Variants in ADCY3 observed in about 807,000 individuals in gnomAD.
The protein encoded by ADCY3 is adenylate cyclase 3.
ADCY3 carries 70 observed loss-of-function variants against 119.4 expected under a neutral mutation model. That is an observed-to-expected ratio of 0.59 (90% CI 0.48 to 0.72). The LOEUF (loss-of-function observed/expected upper bound fraction) is 0.72. Ranked by LOEUF, ADCY3 falls within the 30% of genes least tolerant of loss-of-function variation. The pLI, the probability that ADCY3 is intolerant of heterozygous loss-of-function variation, is 0.00. For synonymous variants in ADCY3, 672 were observed against 621.4 expected, an observed-to-expected ratio of 1.08 and a Z score of -1.21; for missense variants, 1,238 against 1,541.6, an observed-to-expected ratio of 0.80 and a Z score of 3.30.
intron 2 of ADCY3, among the ~76,000 whole-genome samples, chr2:24,891,900 T>C (rs1395830765): frequency 6.6e-6 from 1 of 152,216 alleles, no homozygotes; most frequent in East Asian, 1.9e-4. Context: ...GATACGTATA[T>C]ATAGGAAAAA....
chr2:24,904,970 A>G (rs1365308012), intron 2 of ADCY3, among the ~76,000 whole-genome samples: 1 of 151,908 alleles, frequency 6.6e-6, no homozygotes, highest in Non-Finnish European at 1.5e-5. Context: ...CCTATGCGCC[A>G]TTCCTCTATT....
intron 3 of ADCY3, among the ~76,000 whole-genome samples, chr2:24,871,672 T>C (rs138861268): frequency 6.6e-6 from 1 of 152,362 alleles, no homozygotes; most frequent in African/African-American, 2.4e-5. Flanking sequence ...CAGAACCTCC[T>C]GAACACAGAT....
In ADCY3 at chr2:24,841,694, G is replaced by T; in HGVS notation, c.957-27C>A. ...TGCATGAGGAAGGAACCGTGGGGGT[G>T]ACGCTCCAGGCAGCCAGGTGTACCC... On this transcript the variant is annotated intron_variant, in intron 4 of 21. Coordinates refer to ENST00000679454, the MANE Select transcript of ADCY3 (RefSeq NM_004036.5). This position sits in a 1 kb window ranked among gnomAD's most constrained non-coding sequence, Gnocchi z 5.8. The T allele has an allele frequency of 6.3e-7, 1 of 1,582,822 alleles. No individual in the cohort carries two copies. The highest frequency in any genetic ancestry group is 8.7e-7 in the Non-Finnish European group (1 of 1,154,090).
rs771093214 is a variant in ADCY3 at position 24,831,679 on chromosome 2, C to A, written c.2038G>T (p.Ala680Ser). ...CCTCTTACCCGGGGAAAGATGGCAG[C>A]CAGGGAGCAGATGGTCAGGATGAGG... is the stretch of plus-strand genomic sequence containing the variant. ...LLLILTICSL[A>S]AIFPRAFPKK... Residue 680 changes from alanine to serine, a missense_variant, in exon 12 of 22, where the codon GCT (alanine) becomes TCT (serine). Transcript: ENST00000679454. 11 of 1,613,964 alleles carry A rather than the reference C, an allele frequency of 6.8e-6. No homozygotes were observed. Among genetic ancestry groups the A allele is most frequent in the Non-Finnish European group, 9.3e-6 (11 of 1,179,928 alleles).
chr2:24,819,863 C>A lies in ADCY3; in HGVS notation c.*69G>T, dbSNP rs910165112. 4 of 1,513,558 alleles carry A rather than the reference C, an allele frequency of 2.6e-6. No individual in the cohort carries two copies. The highest frequency in any genetic ancestry group is 3.6e-6 in the Non-Finnish European group (4 of 1,111,076). The allele number at this position is 1,513,558 out of a possible 1,614,324, so 93.8% of individuals were successfully genotyped here. ...AGTGTGCACTTCAATCCAGGAAGGT[C>A]GGGACTTCCTTCAGTTTCAAAAAAT... On this transcript the variant is annotated 3_prime_UTR_variant, in exon 22 of 22. Transcript: ENST00000679454.
chr2:24,855,670 C>T (rs1672909324), intron 3 of ADCY3, among the ~76,000 whole-genome samples: 1 of 152,204 alleles, frequency 6.6e-6, no homozygotes, highest in African/African-American at 2.4e-5. Flanking sequence ...ACAACAAGCC[C>T]TGGAAGTTCC....
chr2:24,858,796 A>G (rs1234048130), intron 3 of ADCY3, among the ~76,000 whole-genome samples: 2 of 152,236 alleles, frequency 1.3e-5, no homozygotes, highest in Non-Finnish European at 2.9e-5. Context: ...CAGCCCATGC[A>G]TGGGCCGTCA....
intron 21 of ADCY3, chr2:24,820,336 A>G (rs1667407626): frequency 4.5e-6 from 6 of 1,324,210 alleles, no homozygotes; most frequent in Non-Finnish European, 4.8e-6. Flanking sequence ...TCATCCAGAG[A>G]CTTCTCTCCT....
At chr2:24,870,474 C>T (rs1167366603) in intron 3 of ADCY3, among the ~76,000 whole-genome samples, 1 of 152,158 alleles carries the variant, frequency 6.6e-6, no homozygotes, top group Non-Finnish European at 1.5e-5. Context: ...GAATTCTAGG[C>T]TCCGGCTGTG....
chr2:24,891,731 A>G (rs1192783859), intron 2 of ADCY3, among the ~76,000 whole-genome samples: 2 of 152,234 alleles, frequency 1.3e-5, no homozygotes, highest in African/African-American at 4.8e-5. Context: ...AGTAACAGCT[A>G]CAGTGCATAG....
intron 2 of ADCY3, among the ~76,000 whole-genome samples, chr2:24,891,194 G>A (rs1677616323): frequency 6.6e-6 from 1 of 152,092 alleles, no homozygotes; most frequent in Non-Finnish European, 1.5e-5. Context: ...TATTAATACA[G>A]TAGTCTCCCT....
intron 2 of ADCY3, among the ~76,000 whole-genome samples, chr2:24,889,068 T>A (rs1428837168): frequency 6.6e-6 from 1 of 152,224 alleles, no homozygotes; most frequent in Non-Finnish European, 1.5e-5. Context: ...CATTTATTGA[T>A]ACACGCACCT....
Position 24,819,796 on chromosome 2 carries a change from A to C in ADCY3, c.*136T>G. Reference sequence around the variant, plus strand: ...CACCCTCAGAGCTCACACATCCACGAACAAATGAAGGCTGAGGAGGTTTCT... The same window carrying C: ...CACCCTCAGAGCTCACACATCCACGCACAAATGAAGGCTGAGGAGGTTTCT... On this transcript the variant is annotated 3_prime_UTR_variant, in exon 22 of 22. Coordinates refer to ENST00000679454, the MANE Select transcript of ADCY3 (RefSeq NM_004036.5). 1.1e-6 allele frequency: 1 copy of C among 944,114 alleles called. No individual in the cohort carries two copies. Among genetic ancestry groups the C allele is most frequent in the Non-Finnish European group, 1.6e-6 (1 of 635,892 alleles). The allele number at this position is 944,114 out of a possible 1,614,324, so 58.5% of individuals were successfully genotyped here.
At chr2:24,821,075 G>T in intron 20 of ADCY3, 1 of 588,218 alleles carries the variant, frequency 1.7e-6, no homozygotes. Context: ...GATTTACTCG[G>T]CATGGTAGTG....
intron 3 of ADCY3, among the ~76,000 whole-genome samples, chr2:24,861,068 T>A (rs1673587143): frequency 6.6e-6 from 1 of 152,120 alleles, no homozygotes. Flanking sequence ...TTGGCCAACA[T>A]GGTGAAACCC....
chr2:24,872,539 C>T lies in ADCY3; in HGVS notation c.825+31G>A. 1 of 1,608,764 alleles carries T rather than the reference C, an allele frequency of 6.2e-7. No homozygotes were observed. Among genetic ancestry groups the T allele is most frequent in the Non-Finnish European group, 8.5e-7 (1 of 1,177,062 alleles). ...CAAGGCCACAGTCCCTGAGCCCAAG[C>T]TCCAGGCCCGAGGCCTCCCGAGAGC... On this transcript the variant is annotated intron_variant, in intron 3 of 21. Transcript: ENST00000679454. The surrounding 1 kb of genome is among the most constrained non-coding windows in gnomAD (Gnocchi z 4.4).
At chr2:24,838,725 C>T (rs1266184126) in intron 7 of ADCY3, 103 bp from the exon 8 acceptor site, 16 of 1,586,544 alleles carry the variant, frequency 1.0e-5, no homozygotes, top group East Asian at 2.2e-5. Context: ...TGCTCGGCCC[C>T]GTGTCTCTCG....
chr2:24,841,134 CA>C lies in ADCY3; in HGVS notation c.1196+124del. On this transcript the variant is annotated intron_variant, in intron 6 of 21. Transcript: ENST00000679454. This position sits in a 1 kb window ranked among gnomAD's most constrained non-coding sequence, Gnocchi z 5.8. ...CCACCCATCAACCAGTGCTGTGTCC[CA>C]GTCTCTGCTTCCAGCAGATCCCCCA... 3.5e-6 allele frequency: 4 copies of C among 1,142,036 alleles called. No individual in the cohort carries two copies. Among genetic ancestry groups the C allele is most frequent in the Non-Finnish European group, 4.8e-6 (4 of 833,262 alleles). The allele number at this position is 1,142,036 out of a possible 1,614,324, so 70.7% of individuals were successfully genotyped here. A position where few individuals can be genotyped will look rare whatever the true frequency, so the allele number is the denominator to read the frequency against.
chr2:24,830,637 G>C, intron 13 of ADCY3, 72 bp downstream of exon 13: 1 of 1,214,506 alleles, frequency 8.2e-7, no homozygotes, highest in South Asian at 1.3e-5. Context: ...GAAACTGCTT[G>C]TGTGACCCAA....
Sources: allele counts gnomAD v4.1 joint callset (sites outside exome capture counted in the v4.1 genomes callset), GRCh38; gene constraint gnomAD v4.1.1; non-coding constraint Gnocchi (gnomAD v3.1); transcripts MANE v1.5; gene names NCBI Gene and HGNC (gene_info 2026-07-23, HGNC 2026-07-21).